TM4SF5: variants seen among roughly 807,000 people sequenced by gnomAD.
The protein encoded by TM4SF5 is transmembrane 4 L6 family member 5.
TM4SF5 carries 16 observed loss-of-function variants against 22.3 expected under a neutral mutation model. The observed-to-expected ratio is 0.72, with a 90% CI of 0.49 to 1.09. The LOEUF (loss-of-function observed/expected upper bound fraction) is 1.09, where lower values mean the gene tolerates loss of function less well. TM4SF5 is among the 50% of genes least tolerant of loss of function. The probability of loss-of-function intolerance (pLI) is 0.00; values close to 1 mark genes in which losing one functional copy is unlikely to be tolerated. For missense variants in TM4SF5, 249 were observed against 266.1 expected, an observed-to-expected ratio of 0.94 and a Z score of 0.45; for synonymous variants, 113 against 109.6, an observed-to-expected ratio of 1.03 and a Z score of -0.19.
chr17:4,781,888 G>A (rs1364560933), intron 2 of TM4SF5, among the ~76,000 whole-genome samples: 3 of 151,858 alleles, frequency 2.0e-5, no homozygotes, highest in Non-Finnish European at 4.4e-5. Flanking sequence ...GCCAGCGGCC[G>A]CCGAGATTCA....
intron 1 of TM4SF5, among the ~76,000 whole-genome samples, chr17:4,778,264 C>T (rs1250763738): frequency 6.6e-6 from 1 of 152,118 alleles, no homozygotes; most frequent in Non-Finnish European, 1.5e-5. Flanking sequence ...AACTGAAACT[C>T]TCAGCCCTTT....
At position 4,782,512 on chromosome 17, in the gene TM4SF5, T is replaced by A; in HGVS notation, c.268T>A (p.Ser90Thr). The A allele has an allele frequency of 6.2e-7, 1 of 1,614,012 alleles. No homozygotes were observed. Among genetic ancestry groups the A allele is most frequent in the Non-Finnish European group, 8.5e-7 (1 of 1,180,008 alleles). ...CCGNRCRMLR[S>T]VFSSAFGVLG... ...TCCACACCACATCCAGATGCTGCGC[T>A]CGGTCTTCTCCTCGGCGTTCGGGGT... The change falls in exon 3 of 5, where the codon TCG (serine) becomes ACG (threonine). Residue 90 changes from serine (S) to threonine (T), a missense_variant. Ser to Thr is a moderately conservative substitution (Grantham distance 58). Transcript: ENST00000270560.
chr17:4,774,395 G>C (rs1438835643), intron 1 of TM4SF5, among the ~76,000 whole-genome samples: 1 of 152,016 alleles, frequency 6.6e-6, no homozygotes, highest in Non-Finnish European at 1.5e-5. Flanking sequence ...TGCTAGACCA[G>C]CACCTTGCAC....
intron 1 of TM4SF5, among the ~76,000 whole-genome samples, chr17:4,773,452 T>A (rs1404648828): frequency 6.6e-6 from 1 of 152,178 alleles, no homozygotes; most frequent in Non-Finnish European, 1.5e-5. Flanking sequence ...CCTCGTTTAA[T>A]ATCTTCATGC....
chr17:4,773,437 G>A (rs146282062), intron 1 of TM4SF5, among the ~76,000 whole-genome samples: 56 of 152,234 alleles, frequency 3.7e-4, no homozygotes, highest in African/African-American at 1.3e-3. Flanking sequence ...CTTTGGGATG[G>A]TCAACCTCGT....
intron 1 of TM4SF5, among the ~76,000 whole-genome samples, chr17:4,774,963 A>C (rs965197766): frequency 3.3e-5 from 5 of 152,208 alleles, no homozygotes; most frequent in Admixed American, 6.6e-5. Context: ...GCTCCTAGGC[A>C]AAGCAGATGC....
At chr17:4,777,393 CA>C (rs1232608915) in intron 1 of TM4SF5, among the ~76,000 whole-genome samples, 2 of 152,042 alleles carry the variant, frequency 1.3e-5, no homozygotes, top group Non-Finnish European at 2.9e-5. Context: ...AAGAATGAGA[CA>C]GAGAAGCACA....
chr17:4,781,851 C>G (rs1295786478), intron 2 of TM4SF5, among the ~76,000 whole-genome samples: 1 of 151,902 alleles, frequency 6.6e-6, no homozygotes, highest in Non-Finnish European at 1.5e-5. Context: ...CTTCAAACCC[C>G]GGGCTTGCAG....
At chr17:4,772,723 T>TG (rs1172040177) in intron 1 of TM4SF5, among the ~76,000 whole-genome samples, 3 of 150,760 alleles carry the variant, frequency 2.0e-5, no homozygotes, top group East Asian at 1.9e-4. Flanking sequence ...TTTTTGTTTT[T>TG]TTTTTTTTTT....
chr17:4,775,465 C>T (rs550057847), intron 1 of TM4SF5, among the ~76,000 whole-genome samples: 54 of 151,548 alleles, frequency 3.6e-4, no homozygotes, highest in Non-Finnish European at 6.8e-4. Flanking sequence ...GGGGTTTCAC[C>T]GTGTTAGCCA....
chr17:4,780,097 C>A (rs1917272876), intron 1 of TM4SF5, among the ~76,000 whole-genome samples: 1 of 149,684 alleles, frequency 6.7e-6, no homozygotes, highest in African/African-American at 2.5e-5. Context: ...CTCTTATTGC[C>A]CGGGTTGGAG....
At chr17:4,781,608 CT>C (rs1597299908) in intron 2 of TM4SF5, among the ~76,000 whole-genome samples, 1 of 151,972 alleles carries the variant, frequency 6.6e-6, no homozygotes, top group African/African-American at 2.4e-5. Flanking sequence ...TTCCGCCTCC[CT>C]AGTTCAAGCC....
At chr17:4,776,900 C>T (rs1212096092) in intron 1 of TM4SF5, among the ~76,000 whole-genome samples, 1 of 152,080 alleles carries the variant, frequency 6.6e-6, no homozygotes, top group Non-Finnish European at 1.5e-5. Flanking sequence ...GCAATATATA[C>T]AGAAAAAGAC....
intron 1 of TM4SF5, among the ~76,000 whole-genome samples, chr17:4,779,196 G>T (rs1350330708): frequency 6.6e-6 from 1 of 152,148 alleles, no homozygotes; most frequent in Non-Finnish European, 1.5e-5. Context: ...CCAGCAATTT[G>T]GTAGGCCAGG....
In TM4SF5 at chr17:4,782,636, C is replaced by T; in HGVS notation, c.392C>T (p.Thr131Ile). ...GAGTGGGGCTACCACTTCGAAGACA[C>T]CGCGTAAGGTTTAGCCTGTATTCGT... The part of the protein sequence containing the change: ...NGEWGYHFED[T>I]AGAYLLNRTL... Residue 131 changes from threonine (T) to isoleucine (I), a missense_variant, in exon 3 of 5, where the codon ACC (threonine) becomes ATC (isoleucine). By Grantham distance (89) the Thr-to-Ile change is moderately conservative. Transcript: ENST00000270560. 6.2e-7 allele frequency: 1 copy of T among 1,614,172 alleles called. No homozygotes were observed. Among genetic ancestry groups the T allele is most frequent in the Non-Finnish European group, 8.5e-7 (1 of 1,180,030 alleles).
At chr17:4,774,319 C>A (rs1353249808) in intron 1 of TM4SF5, among the ~76,000 whole-genome samples, 1 of 152,174 alleles carries the variant, frequency 6.6e-6, no homozygotes, top group East Asian at 1.9e-4. Flanking sequence ...ACCAGTCTCA[C>A]GGAAGCAAGG....
At chr17:4,779,830 A>G (rs1188373414) in intron 1 of TM4SF5, among the ~76,000 whole-genome samples, 1 of 152,152 alleles carries the variant, frequency 6.6e-6, no homozygotes, top group African/African-American at 2.4e-5. Flanking sequence ...CTTCTGGCAG[A>G]GTGAAGAGCT....
Position 4,782,892 on chromosome 17 carries a change from G to A in TM4SF5, c.434G>A (p.Cys145Tyr). Residue 145 changes from cysteine to tyrosine, a missense_variant, in exon 4 of 5, where the codon TGC (cysteine) becomes TAC (tyrosine). By Grantham distance (194) the Cys-to-Tyr change is radical. Transcript: ENST00000270560. Reference protein sequence around the residue: ...YLLNRTLWDRCEAPPRVVPWN... With the variant: ...YLLNRTLWDRYEAPPRVVPWN... ...CTCAACCGCACTCTATGGGATCGGT[G>A]CGAGGCGCCCCCTCGCGTGGTCCCC... The A allele has an allele frequency of 6.2e-7, 1 of 1,614,182 alleles. No individual in the cohort carries two copies.
At chr17:4,782,380 TA>T in intron 2 of TM4SF5, 122 bp from the exon 3 acceptor site, 3 of 1,275,302 alleles carry the variant, frequency 2.4e-6, no homozygotes, top group Non-Finnish European at 3.3e-6. Flanking sequence ...CGCCCGGCAT[TA>T]AAAAATACAT....
Sources: allele counts gnomAD v4.1 joint callset (sites outside exome capture counted in the v4.1 genomes callset), GRCh38; gene constraint gnomAD v4.1.1; transcripts MANE v1.5; gene names NCBI Gene and HGNC (gene_info 2026-07-23, HGNC 2026-07-21).